TMEM130: variants seen among roughly 807,000 people sequenced by gnomAD.
TMEM130 encodes transmembrane protein 130.
TMEM130 carries 37 observed loss-of-function variants against 42.9 expected under a neutral mutation model. That is an observed-to-expected ratio of 0.86 (90% CI 0.66 to 1.13). The LOEUF (loss-of-function observed/expected upper bound fraction) is 1.13. Among genes scored for constraint, TMEM130 ranks in the 50% most tolerant of loss-of-function variants. TMEM130 has a pLI of 0.00. For missense variants in TMEM130, 545 were observed against 562.6 expected (o/e 0.97, Z 0.32); for synonymous variants, 259 against 237.7 (o/e 1.09, Z -0.82).
chr7:98,866,039 C>T (rs183679194), intron 1 of TMEM130: 206 of 158,266 alleles, frequency 1.3e-3, no homozygotes, highest in Middle Eastern at 0.012. Flanking sequence ...CGGTCAGGCA[C>T]GGTGGCTCAT....
chr7:98,848,768 C>G, intron 6 of TMEM130, 73 bp from the exon 7 acceptor site: 1 of 1,070,702 alleles, frequency 9.3e-7, no homozygotes, highest in Non-Finnish European at 1.5e-6. Context: ...GAAGCAAGCA[C>G]AACAAAGGAG....
chr7:98,862,377 GAGAC>G (rs1450818237), intron 2 of TMEM130, among the ~76,000 whole-genome samples: 9 of 150,378 alleles, frequency 6.0e-5, no homozygotes, highest in East Asian at 2.0e-4. Flanking sequence ...GAGACAGAAA[GAGAC>G]AGACAGAGAT....
At chr7:98,853,013 G>A (rs1584235433) in intron 5 of TMEM130, among the ~76,000 whole-genome samples, 1 of 152,202 alleles carries the variant, frequency 6.6e-6, no homozygotes, top group East Asian at 1.9e-4. Flanking sequence ...GGCATTCCAA[G>A]TTATCCACAT....
chr7:98,859,617 G>A (rs1043291979), intron 3 of TMEM130, among the ~76,000 whole-genome samples: 8 of 152,138 alleles, frequency 5.3e-5, no homozygotes, highest in Non-Finnish European at 8.8e-5. Context: ...GTTCACACCT[G>A]TAGTCCCAGT....
In TMEM130 at chr7:98,847,030, T is replaced by A. The variant is rs998000480; in HGVS notation, c.*1026A>T. On this transcript the variant is annotated 3_prime_UTR_variant, in exon 8 of 8. Coordinates refer to ENST00000339375, the MANE Select transcript of TMEM130 (RefSeq NM_152913.3). ...ACCACCACGCCCGGCTAACTTTTTGTATTTTTTTAGTAGAGACGGGGTTTC... is the reference window on the plus strand; with the variant it reads ...ACCACCACGCCCGGCTAACTTTTTGAATTTTTTTAGTAGAGACGGGGTTTC... 4 of 152,024 alleles carry A rather than the reference T, an allele frequency of 2.6e-5. No homozygotes were observed. The highest frequency in any genetic ancestry group is 2.0e-4 in the Admixed American group (3 of 15,236). The allele number at this position is 152,024 out of a possible 1,614,324, so 9.4% of individuals were successfully genotyped here.
chr7:98,863,957 A>G (rs1248007258), intron 1 of TMEM130, among the ~76,000 whole-genome samples: 1 of 150,586 alleles, frequency 6.6e-6, no homozygotes, highest in Non-Finnish European at 1.5e-5. Flanking sequence ...GAGTACAATC[A>G]TCACAGTTCG....
rs148050564 is a variant in TMEM130, at chr7:98,860,233, G to A, written c.497C>T (p.Pro166Leu). 46 of 1,613,984 alleles carry A rather than the reference G, an allele frequency of 2.9e-5. No individual in the cohort carries two copies. Among genetic ancestry groups the A allele is most frequent in the Admixed American group, 3.3e-5 (2 of 59,986 alleles). ...CAAGGCGGTCTTGAGGAAGTTGCTC[G>A]GGTCGTGGAGGAGGAAGGAGACTTT... Reference protein sequence around the residue: ...VLKVSFLLHDPSNFLKTALFL... With the variant: ...VLKVSFLLHDLSNFLKTALFL... The change falls in exon 3 of 8, where the codon CCG becomes CTG. Residue 166 changes from proline (P) to leucine (L), a missense_variant. Physicochemically the swap from Pro to Leu is moderately conservative, Grantham distance 98 (BLOSUM62 -3). Transcript: ENST00000339375.
chr7:98,862,288 C>A (rs879975218), intron 2 of TMEM130, among the ~76,000 whole-genome samples: 12,029 of 103,734 alleles, frequency 0.12, 1,580 homozygotes, highest in African/African-American at 0.31. Context: ...GACAAAGAGA[C>A]AGAGACAGAA....
Position 98,848,679 on chromosome 7 carries a change from G to A in TMEM130, c.1023C>T (p.Val341=). ...QVWPSRIQPA[V]FAFPCATLIT... ...TAAGTGTAGCACATGGGAAAGCAAA[G>A]ACAGCCGGCTGGATTCCTGGGAATG... Residue 341 remains valine, a synonymous_variant, in exon 7 of 8, where the codon GTC becomes GTT. Coordinates refer to ENST00000339375, the MANE Select transcript of TMEM130 (RefSeq NM_152913.3). The A allele has an allele frequency of 6.2e-7, 1 of 1,613,590 alleles. No individual in the cohort carries two copies. The highest frequency in any genetic ancestry group is 1.1e-5 in the South Asian group (1 of 91,054).
chr7:98,860,886 T>C (rs566212346), intron 2 of TMEM130, among the ~76,000 whole-genome samples: 2 of 132,574 alleles, frequency 1.5e-5, no homozygotes, highest in South Asian at 4.6e-4. Flanking sequence ...GAGGTTGCAG[T>C]GAGCCAAGAT....
intron 2 of TMEM130, among the ~76,000 whole-genome samples, chr7:98,861,615 G>A (rs6973284): frequency 0.71 from 107,603 of 151,998 alleles, 42,657 homozygotes; most frequent in South Asian, 0.88. Context: ...CTTGGGAGGC[G>A]AAGGCACGAG....
At chr7:98,850,938 C>T (rs183236909) in intron 6 of TMEM130, among the ~76,000 whole-genome samples, 19 of 152,250 alleles carry the variant, frequency 1.2e-4, no homozygotes, top group Non-Finnish European at 2.4e-4. Flanking sequence ...GGCATGGTTG[C>T]TTTCGGTCCA....
intron 3 of TMEM130, among the ~76,000 whole-genome samples, chr7:98,859,183 C>T (rs1794700182): frequency 6.6e-6 from 1 of 151,732 alleles, no homozygotes; most frequent in South Asian, 2.1e-4. Flanking sequence ...GTAACCCCAG[C>T]ACTTAGGGAG....
chr7:98,859,912 T>C (rs1368215039), intron 3 of TMEM130, among the ~76,000 whole-genome samples: 2 of 150,798 alleles, frequency 1.3e-5, no homozygotes, highest in Non-Finnish European at 3.0e-5. Context: ...ATAAAAAAAA[T>C]ACAAAAATTA....
chr7:98,864,818 G>A (rs1794872181), intron 1 of TMEM130, among the ~76,000 whole-genome samples: 1 of 152,042 alleles, frequency 6.6e-6, no homozygotes, highest in Non-Finnish European at 1.5e-5. Context: ...GGGAATCGCT[G>A]GAACCCAAGA....
rs1794972499 is a variant in TMEM130, at chr7:98,869,185, T to G, written c.85+592A>C. 2.3e-6 allele frequency: 3 copies of G among 1,283,724 alleles called. No individual in the cohort carries two copies. Among genetic ancestry groups the G allele is most frequent in the Admixed American group, 4.7e-5 (2 of 42,820 alleles). The allele number at this position is 1,283,724 out of a possible 1,614,324, so 79.5% of individuals were successfully genotyped here. On this transcript the variant is annotated intron_variant, in intron 1 of 7. Coordinates refer to ENST00000339375, the MANE Select transcript of TMEM130 (RefSeq NM_152913.3). The surrounding 1 kb of genome is among the most constrained non-coding windows in gnomAD (Gnocchi z 4.7). ...AGACACACAACCCTGCTTCCCCCAC[T>G]CCCCCACCCACACACACACCCCAGG... is the stretch of plus-strand genomic sequence containing the variant.
chr7:98,853,112 G>C (rs933410486), intron 5 of TMEM130, among the ~76,000 whole-genome samples: 1 of 152,110 alleles, frequency 6.6e-6, no homozygotes, highest in Non-Finnish European at 1.5e-5. Context: ...CACTAGGTCC[G>C]CAGGAAAAGC....
chr7:98,868,637 G>A (rs933874432), intron 1 of TMEM130, among the ~76,000 whole-genome samples: 3 of 152,138 alleles, frequency 2.0e-5, no homozygotes, highest in African/African-American at 4.8e-5. Context: ...TCTCCCCGAC[G>A]GGTGAGGGAG....
intron 6 of TMEM130, among the ~76,000 whole-genome samples, chr7:98,849,833 G>C (rs1008325093): frequency 6.6e-6 from 1 of 151,992 alleles, no homozygotes. Flanking sequence ...GGTAGAAGTA[G>C]GTTGGGCATC....
Sources: gnomAD v4.1 joint callset for allele counts (sites outside exome capture counted in the v4.1 genomes callset) on GRCh38, gnomAD v4.1.1 for gene constraint, Gnocchi (gnomAD v3.1) non-coding constraint, MANE v1.5 for transcripts, NCBI Gene and HGNC (gene_info 2026-07-23, HGNC 2026-07-21) for gene names.